Variants in NKAIN3 observed in about 807,000 individuals in gnomAD.
NKAIN3 encodes sodium/potassium transporting ATPase interacting 3, also known as sodium/potassium-transporting ATPase subunit beta-1-interacting protein 3.
NKAIN3 carries 25 observed loss-of-function variants against 30.2 expected under a neutral mutation model. The observed-to-expected ratio is 0.83, with a 90% confidence interval of 0.60 to 1.16. The LOEUF (loss-of-function observed/expected upper bound fraction) is 1.16. Among genes scored for constraint, NKAIN3 ranks in the 50% most tolerant of loss-of-function variants. The probability of loss-of-function intolerance (pLI) is 0.00; values close to 1 mark genes in which losing one functional copy is unlikely to be tolerated. For synonymous variants in NKAIN3, 91 were observed against 89.6 expected (o/e 1.02, Z -0.09); for missense variants, 225 against 254.1 (o/e 0.89, Z 0.78).
At chr8:62,417,389 T>C (rs1229236604) in intron 1 of NKAIN3, among the ~76,000 whole-genome samples, 1 of 152,222 alleles carries the variant, frequency 6.6e-6, no homozygotes, top group Non-Finnish European at 1.5e-5. Context: ...GGACACAAGT[T>C]GCTTCCAAAT....
intron 4 of NKAIN3, among the ~76,000 whole-genome samples, chr8:62,783,710 A>C (rs911452848): frequency 1.3e-5 from 2 of 150,734 alleles, no homozygotes; most frequent in African/African-American, 4.9e-5. Flanking sequence ...TCCTGGGCTC[A>C]AGCAATCCTC....
intron 3 of NKAIN3, among the ~76,000 whole-genome samples, chr8:62,685,389 C>T (rs1563515648): frequency 6.6e-6 from 1 of 152,142 alleles, no homozygotes; most frequent in East Asian, 1.9e-4. Context: ...CCCTTTTATT[C>T]AGTTTTACTA....
intron 4 of NKAIN3, chr8:62,857,048 C>T (rs1563596443): frequency 7.9e-6 from 4 of 504,438 alleles, no homozygotes; most frequent in Admixed American, 2.2e-5. Flanking sequence ...GCTTCTTCAT[C>T]GGCCTCAGTT....
intron 4 of NKAIN3, among the ~76,000 whole-genome samples, chr8:62,867,433 T>C (rs1796259063): frequency 6.6e-6 from 1 of 152,184 alleles, no homozygotes; most frequent in Non-Finnish European, 1.5e-5. Flanking sequence ...GTAATTATTA[T>C]TTTTACTGAT....
chr8:62,673,959 T>G (rs1295002676), intron 3 of NKAIN3, among the ~76,000 whole-genome samples: 1 of 152,238 alleles, frequency 6.6e-6, no homozygotes, highest in Non-Finnish European at 1.5e-5. Flanking sequence ...CCTCTGGCAC[T>G]ATAAAAAATA....
intron 1 of NKAIN3, among the ~76,000 whole-genome samples, chr8:62,320,608 A>G (rs1471857217): frequency 1.3e-5 from 2 of 152,124 alleles, no homozygotes; most frequent in African/African-American, 2.4e-5. Flanking sequence ...GTTTGACTGG[A>G]TATGAAATTC....
intron 1 of NKAIN3, among the ~76,000 whole-genome samples, chr8:62,475,053 A>G (rs907756551): frequency 2.0e-5 from 3 of 152,192 alleles, no homozygotes; most frequent in Non-Finnish European, 4.4e-5. Flanking sequence ...GAGATACTAA[A>G]GCCTACTCAT....
At chr8:62,859,966 C>T (rs956256209) in intron 4 of NKAIN3, among the ~76,000 whole-genome samples, 1 of 152,134 alleles carries the variant, frequency 6.6e-6, no homozygotes, top group Non-Finnish European at 1.5e-5. Context: ...ACATTTGTTG[C>T]CATTTTGCTT....
chr8:62,405,049 C>G (rs527837909), intron 1 of NKAIN3, among the ~76,000 whole-genome samples: 11 of 152,260 alleles, frequency 7.2e-5, no homozygotes, highest in African/African-American at 2.6e-4. Flanking sequence ...TTGGAAATGT[C>G]ACTGGAAGCT....
intron 1 of NKAIN3, among the ~76,000 whole-genome samples, chr8:62,425,500 A>C (rs555668040): frequency 1.3e-5 from 2 of 152,034 alleles, no homozygotes; most frequent in East Asian, 3.9e-4. Flanking sequence ...ACTGGAGGAG[A>C]TCTTTTGCAA....
intron 4 of NKAIN3, among the ~76,000 whole-genome samples, chr8:62,846,302 T>C (rs1417840029): frequency 6.6e-6 from 1 of 152,162 alleles, no homozygotes; most frequent in Admixed American, 6.6e-5. Context: ...ATCTTCTTTT[T>C]CCAGTTGATT....
At chr8:62,570,891 T>C (rs559732402) in intron 1 of NKAIN3, among the ~76,000 whole-genome samples, 1 of 152,272 alleles carries the variant, frequency 6.6e-6, no homozygotes, top group African/African-American at 2.4e-5. Context: ...GTCACACATA[T>C]TGGCAGAATC....
intron 4 of NKAIN3, among the ~76,000 whole-genome samples, chr8:62,890,645 A>C (rs1461385223): frequency 2.0e-5 from 3 of 152,162 alleles, no homozygotes; most frequent in African/African-American, 7.2e-5. Context: ...CATCTCTTCC[A>C]CCTGGAGCAC....
rs905997400 is a variant in NKAIN3, at chr8:62,967,364, C to A, written c.*1957C>A. ...CTCATCAATGAAGTGGAACTATGAT[C>A]CCTACCTCCCAAAGGTGAGGTGAGA... On this transcript the variant is annotated 3_prime_UTR_variant, in exon 7 of 7. Coordinates refer to ENST00000623646, the MANE Select transcript of NKAIN3 (RefSeq NM_001304533.3). 6.6e-6 allele frequency among the ~76,000 whole-genome samples: 1 copy of A among 152,106 alleles called. No individual in the cohort carries two copies. Among genetic ancestry groups the A allele is most frequent in the Non-Finnish European group, 1.5e-5 (1 of 68,030 alleles).
intron 1 of NKAIN3, among the ~76,000 whole-genome samples, chr8:62,500,483 AAGAAGAAAAG>A: frequency 2.1e-5 from 3 of 143,452 alleles, no homozygotes; most frequent in African/African-American, 8.3e-5. Context: ...GAAAGAAAGA[AAGAAGAAAAG>A]AAAGAAAGAA....
chr8:62,829,937 AT>A (rs1452789541), intron 4 of NKAIN3, among the ~76,000 whole-genome samples: 2 of 152,216 alleles, frequency 1.3e-5, no homozygotes, highest in Non-Finnish European at 2.9e-5. Flanking sequence ...AGGAAAAAAA[AT>A]AATTGCTACA....
rs927716502 is a variant in NKAIN3 at position 62,934,283 on chromosome 8, T to C, written c.532+15770T>C. On this transcript the variant is annotated intron_variant, in intron 5 of 6. Transcript: ENST00000623646. ...GTGCTTGCTGCTTGGAAGGCTGAGG[T>C]GGGAGGATCTCTTGGGCCTAGGAGA... is the stretch of plus-strand genomic sequence containing the variant. Among the ~76,000 whole-genome samples, 57 of 150,856 alleles carry C rather than the reference T, an allele frequency of 3.8e-4. 1 individual carries two copies. Among genetic ancestry groups the C allele is most frequent in the Admixed American group, 3.0e-3 (46 of 15,142 alleles).
At chr8:62,634,365 T>C (rs1348118011) in intron 3 of NKAIN3, among the ~76,000 whole-genome samples, 1 of 152,148 alleles carries the variant, frequency 6.6e-6, no homozygotes, top group East Asian at 1.9e-4. Flanking sequence ...CCACACATGA[T>C]TACATTTCTT....
In NKAIN3 at chr8:62,802,163, A is replaced by G. The variant is rs539622429; in HGVS notation, c.471+55034A>G. On this transcript the variant is annotated intron_variant, in intron 4 of 6. Coordinates refer to ENST00000623646, the MANE Select transcript of NKAIN3 (RefSeq NM_001304533.3). ...TCTGATTGGTGTACCTGAAAGTGAC[A>G]GGGAGAATGGAAACAAGTTGGAAAA... Among the ~76,000 whole-genome samples, 7 of 152,354 alleles carry G rather than the reference A, an allele frequency of 4.6e-5. No homozygotes were observed. The East Asian group carries it at 1.4e-3, about 29-fold the overall frequency.
Sources: gnomAD v4.1 joint callset for allele counts (sites outside exome capture counted in the v4.1 genomes callset) on GRCh38, gnomAD v4.1.1 for gene constraint, MANE v1.5 for transcripts, NCBI Gene and HGNC (gene_info 2026-07-23, HGNC 2026-07-21) for gene names.